PTH2R: variants seen among roughly 807,000 people sequenced by gnomAD.
PTH2R encodes PTH2 receptor.
In PTH2R, 59 loss-of-function variants were observed where a neutral mutation model predicts 60.3. That is an observed-to-expected ratio of 0.98 (90% CI 0.79 to 1.22). PTH2R has a LOEUF of 1.22. Among genes scored for constraint, PTH2R ranks in the 50% most tolerant of loss-of-function variants. PTH2R has a pLI of 0.00. For synonymous variants in PTH2R, 256 were observed against 243.8 expected (o/e 1.05, Z -0.47); for missense variants, 749 against 682.6 (o/e 1.10, Z -1.08).
intron 1 of PTH2R, among the ~76,000 whole-genome samples, chr2:208,414,381 A>T (rs1574851817): frequency 1.3e-5 from 2 of 152,202 alleles, no homozygotes; most frequent in African/African-American, 4.8e-5. Context: ...TGGTGACAAT[A>T]GTAGTTAATG....
At chr2:208,477,653 G>A (rs1703036701) in intron 9 of PTH2R, among the ~76,000 whole-genome samples, 1 of 151,470 alleles carries the variant, frequency 6.6e-6, no homozygotes, top group South Asian at 2.1e-4. Flanking sequence ...TTCTATATTT[G>A]CATTATTTTA....
At chr2:208,399,074 A>G (rs1701261937) in intron 1 of PTH2R, among the ~76,000 whole-genome samples, 2 of 152,216 alleles carry the variant, frequency 1.3e-5, no homozygotes, top group Non-Finnish European at 2.9e-5. Flanking sequence ...TCTCTTCTTC[A>G]TACCTTATTG....
rs914938992 is a variant in PTH2R, at chr2:208,446,168, C to CT, written c.853+1288dup. Among the ~76,000 whole-genome samples, 32 of 152,096 alleles carry CT rather than the reference C, an allele frequency of 2.1e-4. No individual in the cohort carries two copies. The Middle Eastern group carries it at 0.01, about 49-fold the overall frequency. On this transcript the variant is annotated intron_variant, in intron 7 of 12. Transcript: ENST00000272847. ...TCATTGCTTACATTTTTAATAAATTCTTTTTTTCTCTTTATTTATGCCTTG... is the reference window on the plus strand; with the variant it reads ...TCATTGCTTACATTTTTAATAAATTCTTTTTTTTCTCTTTATTTATGCCTTG...
chr2:208,476,988 T>C (rs1362836439), intron 9 of PTH2R, among the ~76,000 whole-genome samples: 1 of 152,200 alleles, frequency 6.6e-6, no homozygotes, highest in Non-Finnish European at 1.5e-5. Flanking sequence ...TTTAAATGAT[T>C]ACATCTTTTG....
intron 6 of PTH2R, among the ~76,000 whole-genome samples, chr2:208,444,168 C>T (rs998424038): frequency 5.3e-5 from 8 of 152,166 alleles, no homozygotes; most frequent in Non-Finnish European, 8.8e-5. Flanking sequence ...GACTTGCTTT[C>T]CCCAACAGAA....
At chr2:208,411,973 TAGATTA>T (rs1469037024) in intron 1 of PTH2R, among the ~76,000 whole-genome samples, 4 of 152,218 alleles carry the variant, frequency 2.6e-5, no homozygotes, top group African/African-American at 9.6e-5. Flanking sequence ...GAATGATTAC[TAGATTA>T]AGATTATTTC....
intron 7 of PTH2R, among the ~76,000 whole-genome samples, chr2:208,447,469 T>A (rs1202349230): frequency 6.6e-6 from 1 of 151,610 alleles, no homozygotes; most frequent in Non-Finnish European, 1.5e-5. Context: ...GCGCCTGTAG[T>A]CCCAGCTACT....
At chr2:208,475,887 G>T (rs1702990559) in intron 9 of PTH2R, among the ~76,000 whole-genome samples, 2 of 152,106 alleles carry the variant, frequency 1.3e-5, no homozygotes, top group Admixed American at 6.6e-5. Flanking sequence ...TTTGCTCATT[G>T]TATCAGTAAT....
chr2:208,452,582 A>G (rs973707712), intron 8 of PTH2R, among the ~76,000 whole-genome samples: 1 of 152,190 alleles, frequency 6.6e-6, no homozygotes, highest in African/African-American at 2.4e-5. Flanking sequence ...TGAGGGGTGG[A>G]GGCCTTATAG....
At chr2:208,408,247 AT>A (rs1301691226) in intron 1 of PTH2R, among the ~76,000 whole-genome samples, 1 of 152,218 alleles carries the variant, frequency 6.6e-6, no homozygotes, top group African/African-American at 2.4e-5. Context: ...AATATTAGCA[AT>A]GGATAGCTGA....
At chr2:208,379,601 T>G (rs1320070414) in intron 1 of PTH2R, among the ~76,000 whole-genome samples, 1 of 151,418 alleles carries the variant, frequency 6.6e-6, no homozygotes, top group Non-Finnish European at 1.5e-5. Context: ...GGCTCATTCT[T>G]GTAATCCTAG....
At chr2:208,414,717 T>C (rs1038604346) in intron 1 of PTH2R, among the ~76,000 whole-genome samples, 1 of 152,204 alleles carries the variant, frequency 6.6e-6, no homozygotes, top group Non-Finnish European at 1.5e-5. Flanking sequence ...TGTTTTTCTA[T>C]GCCTCATAAG....
Position 208,493,426 on chromosome 2 carries a change from A to G in PTH2R, c.1420A>G (p.Ile474Val), listed in dbSNP as rs745732683. ...QVAASTRMVL[I>V]SGKAAKIASR... ...GGCGGCCAGCACACGCATGGTGCTT[A>G]TCTCTGGCAAAGCTGCCAAGATCGC... Residue 474 changes from isoleucine to valine, a missense_variant, in exon 13 of 13, where the codon ATC becomes GTC. Ile to Val is a conservative substitution (Grantham distance 29). Coordinates refer to ENST00000272847, the MANE Select transcript of PTH2R (RefSeq NM_005048.4). 1.2e-6 allele frequency: 2 copies of G among 1,610,802 alleles called. No homozygotes were observed. Among genetic ancestry groups the G allele is most frequent in the Non-Finnish European group, 1.7e-6 (2 of 1,177,902 alleles).
chr2:208,369,600 C>T lies in PTH2R; in HGVS notation c.-259+9363C>T, dbSNP rs551448386. Among the ~76,000 whole-genome samples the T allele has an allele frequency of 4.9e-4, 74 of 152,004 alleles. 1 individual carries two copies. The South Asian group carries it at 0.013, about 27-fold the overall frequency. On this transcript the variant is annotated intron_variant, in intron 1 of 12. Transcript: ENST00000617735. ...AGGCTGGTCTTCACCTCAAGTGATC[C>T]GCCAGCCTCGGCCTCCCAAAGTGCT...
At chr2:208,385,439 C>A (rs1383369160) in intron 1 of PTH2R, among the ~76,000 whole-genome samples, 3 of 152,034 alleles carry the variant, frequency 2.0e-5, no homozygotes, top group Admixed American at 6.6e-5. Flanking sequence ...ATCAACACAC[C>A]TTTCCTGGCC....
At chr2:208,429,098 A>T (rs912314139) in intron 2 of PTH2R, among the ~76,000 whole-genome samples, 1 of 152,036 alleles carries the variant, frequency 6.6e-6, no homozygotes, top group Non-Finnish European at 1.5e-5. Context: ...AAAAAAAAAA[A>T]AAAAGTGTTG....
intron 2 of PTH2R, 33 bp downstream of exon 2, chr2:208,428,336 G>T: frequency 6.9e-7 from 1 of 1,445,436 alleles, no homozygotes; most frequent in East Asian, 2.3e-5. Flanking sequence ...CTCTCCTTGT[G>T]CCTCCTATCT....
chr2:208,470,433 G>A (rs981839745), intron 9 of PTH2R, among the ~76,000 whole-genome samples: 2 of 151,430 alleles, frequency 1.3e-5, no homozygotes, highest in Non-Finnish European at 2.9e-5. Flanking sequence ...TGTTGTGGGA[G>A]AGATCTGTGG....
upstream of PTH2R, among the ~76,000 whole-genome samples, chr2:208,406,572 C>T (rs1166115352): frequency 3.3e-5 from 5 of 152,306 alleles, no homozygotes; most frequent in East Asian, 9.7e-4. Context: ...AGAGACAGGG[C>T]CCTGGAACCC....
Sources: allele counts gnomAD v4.1 joint callset (sites outside exome capture counted in the v4.1 genomes callset), GRCh38; gene constraint gnomAD v4.1.1; transcripts MANE v1.5; gene names NCBI Gene and HGNC (gene_info 2026-07-23, HGNC 2026-07-21).